Variants in SORL1 observed in about 807,000 individuals in gnomAD.
SORL1 encodes sortilin related receptor 1.
SORL1 carries 127 observed loss-of-function variants against 273.7 expected under a neutral mutation model. The observed-to-expected ratio is 0.46, with a 90% CI of 0.40 to 0.54. The LOEUF (loss-of-function observed/expected upper bound fraction) is 0.54, where lower values mean the gene tolerates loss of function less well. Ranked by LOEUF, SORL1 falls within the 20% of genes least tolerant of loss-of-function variation. The probability of loss-of-function intolerance (pLI) is 0.00; values close to 1 mark genes in which losing one functional copy is unlikely to be tolerated. For missense variants in SORL1, 2,494 were observed against 2,846.1 expected, an observed-to-expected ratio of 0.88 and a Z score of 2.81; for synonymous variants, 1,031 against 1,067.4, an observed-to-expected ratio of 0.97 and a Z score of 0.66.
intron 6 of SORL1, among the ~76,000 whole-genome samples, chr11:121,502,365 T>A (rs2134830416): frequency 6.6e-6 from 1 of 152,134 alleles, no homozygotes; most frequent in African/African-American, 2.4e-5. Flanking sequence ...CTCGATCTCT[T>A]AACCTCGTGA....
intron 32 of SORL1, among the ~76,000 whole-genome samples, chr11:121,601,928 T>C (rs1863399206): frequency 6.6e-6 from 1 of 152,232 alleles, no homozygotes; most frequent in African/African-American, 2.4e-5. Context: ...CAATCCTATA[T>C]AAAATGGCAT....
At chr11:121,580,968 A>G (rs1249596279) in intron 25 of SORL1, among the ~76,000 whole-genome samples, 5 of 144,628 alleles carry the variant, frequency 3.5e-5, no homozygotes, top group Non-Finnish European at 6.0e-5. Flanking sequence ...GCTAGAGTAC[A>G]GTGGTGCGAT....
At chr11:121,463,776 G>A (rs892608867) in intron 1 of SORL1, among the ~76,000 whole-genome samples, 2 of 152,182 alleles carry the variant, frequency 1.3e-5, no homozygotes, top group African/African-American at 2.4e-5. Flanking sequence ...GGGAGTGCTC[G>A]TAAACTAGAT....
At chr11:121,489,882 C>T (rs970791975) in intron 4 of SORL1, among the ~76,000 whole-genome samples, 161 bp from the exon 5 acceptor site, 1 of 152,192 alleles carries the variant, frequency 6.6e-6, no homozygotes, top group Non-Finnish European at 1.5e-5. Context: ...CTTTCTTGCC[C>T]TTGTTTGCTT....
Position 121,550,578 on chromosome 11 carries a change from G to A in SORL1, c.2181-7G>A, listed in dbSNP as rs754223197. 9 of 1,613,948 alleles carry A rather than the reference G, an allele frequency of 5.6e-6. No individual in the cohort carries two copies. The East Asian group carries it at 1.8e-4, about 32-fold the overall frequency. On this transcript the variant is annotated splice_region_variant and splice_polypyrimidine_tract_variant and intron_variant, in intron 15 of 47. Coordinates refer to ENST00000260197, the MANE Select transcript of SORL1 (RefSeq NM_003105.6). This position sits in a 1 kb window ranked among gnomAD's most constrained non-coding sequence, Gnocchi z 5.3. ...TCTGACCTCTTGCTCTTGGGGTGGG[G>A]TGACAGCTACCGGAAGATTTCTGGG... is the stretch of plus-strand genomic sequence containing the variant.
intron 46 of SORL1, among the ~76,000 whole-genome samples, chr11:121,625,565 C>T (rs1863784737): frequency 6.6e-6 from 1 of 152,142 alleles, no homozygotes; most frequent in South Asian, 2.1e-4. Flanking sequence ...ACAAGAGTTT[C>T]ATTTGTTTTT....
At chr11:121,600,899 C>T (rs1036171723) in intron 32 of SORL1, among the ~76,000 whole-genome samples, 1 of 151,370 alleles carries the variant, frequency 6.6e-6, no homozygotes, top group African/African-American at 2.4e-5. Context: ...ATTTAAGGCT[C>T]TTTTTTTTTA....
At chr11:121,497,112 G>C in intron 6 of SORL1, 63 bp downstream of exon 6, 1 of 1,417,318 alleles carries the variant, frequency 7.1e-7, no homozygotes. Flanking sequence ...TTGGCATTCT[G>C]TGATTAAACA....
At chr11:121,523,046 T>G (rs534994652) in intron 11 of SORL1, 57 bp downstream of exon 11, 1 of 1,165,590 alleles carries the variant, frequency 8.6e-7, no homozygotes, top group Admixed American at 1.7e-5. Context: ...TGTGTGAGAA[T>G]GTAGACTGTG....
intron 32 of SORL1, among the ~76,000 whole-genome samples, chr11:121,598,707 G>T (rs191723019): frequency 6.6e-6 from 1 of 152,310 alleles, no homozygotes; most frequent in Admixed American, 6.5e-5. Context: ...TCTAGGCCTT[G>T]ATGTGCTCTG....
intron 40 of SORL1, chr11:121,614,634 A>C: frequency 2.6e-5 from 11 of 415,824 alleles, no homozygotes; most frequent in East Asian, 5.3e-5. Flanking sequence ...ACCAACTCCT[A>C]TCCGCGGATG....
At chr11:121,467,134 A>G (rs1861096278) in intron 1 of SORL1, among the ~76,000 whole-genome samples, 1 of 145,828 alleles carries the variant, frequency 6.9e-6, no homozygotes, top group Admixed American at 7.1e-5. Flanking sequence ...GGTTCACGCC[A>G]TTCTCCTGCC....
rs751648992 is a variant in SORL1 at position 121,488,123 on chromosome 11, C to T, written c.620C>T (p.Ala207Val). The change falls in exon 4 of 48, where the codon GCT (alanine) becomes GTT (valine). Residue 207 changes from alanine to valine, a missense_variant. Physicochemically the swap from Ala to Val is moderately conservative, Grantham distance 64. This residue lies in a region of SORL1 where 710 missense variants were observed against 882.5 expected (regional missense o/e 0.80). Coordinates refer to ENST00000260197, the MANE Select transcript of SORL1 (RefSeq NM_003105.6). Reference sequence around the variant, plus strand: ...GGCTTTTCCATCCCATTTCGGGCAGCTGATCTCCTCCTACACAGTAAGGCC... The same window carrying T: ...GGCTTTTCCATCCCATTTCGGGCAGTTGATCTCCTCCTACACAGTAAGGCC... ...LQGFSIPFRA[A>V]DLLLHSKASN... is the part of the protein sequence containing the mutation. The T allele has an allele frequency of 1.2e-6, 2 of 1,614,186 alleles. No individual in the cohort carries two copies. The highest frequency in any genetic ancestry group is 1.7e-5 in the Admixed American group (1 of 60,022).
Position 121,605,119 on chromosome 11 carries a change from T to C in SORL1, c.4658T>C (p.Leu1553Ser), listed in dbSNP as rs1863449776. The change falls in exon 34 of 48, where the codon TTG (leucine) becomes TCG (serine). Residue 1553 changes from leucine (L) to serine (S), a missense_variant. Physicochemically the swap from Leu to Ser is moderately radical, Grantham distance 145 (BLOSUM62 -2). Around this residue, in one of 3 missense-constraint regions of SORL1, gnomAD observed 1,609 missense variants for 1,816.4 expected, o/e 0.89. Transcript: ENST00000260197. ...TTCTCCTTTATCTCTCTAGATGAGT[T>C]GACTGTGTACAAAGTACAGAATCTT... ...ESDEKACSDE[L>S]TVYKVQNLQW... 1.9e-6 allele frequency: 3 copies of C among 1,610,522 alleles called. No homozygotes were observed. In the South Asian group the frequency reaches 3.3e-5, roughly 18 times the overall value.
intron 1 of SORL1, among the ~76,000 whole-genome samples, chr11:121,454,298 C>T (rs1013248316): frequency 6.6e-6 from 1 of 152,212 alleles, no homozygotes; most frequent in Admixed American, 6.5e-5. Flanking sequence ...TGGTGGGAGA[C>T]AATCCCTCCC....
intron 38 of SORL1, chr11:121,610,858 T>C (rs1863552137): frequency 2.2e-6 from 1 of 456,776 alleles, no homozygotes; most frequent in Non-Finnish European, 3.9e-6. Flanking sequence ...GATAGCCGAC[T>C]GAGCCAAGAT....
intron 23 of SORL1, among the ~76,000 whole-genome samples, chr11:121,573,337 C>T (rs573172324): frequency 4.6e-5 from 7 of 152,282 alleles, no homozygotes; most frequent in Admixed American, 3.3e-4. Context: ...TCTGGCTGGG[C>T]GTGGTGGCTC....
intron 5 of SORL1, among the ~76,000 whole-genome samples, chr11:121,490,684 T>C (rs997668524): frequency 7.0e-6 from 1 of 142,856 alleles, no homozygotes; most frequent in Admixed American, 7.6e-5. Context: ...GAGGTTGCAG[T>C]GAGCCGAGAT....
intron 11 of SORL1, among the ~76,000 whole-genome samples, chr11:121,531,494 A>G (rs550828074): frequency 6.6e-6 from 1 of 152,310 alleles, no homozygotes; most frequent in South Asian, 2.1e-4. Context: ...TCTTATGGAT[A>G]TGTTTGTATG....
Sources: allele counts gnomAD v4.1 joint callset (sites outside exome capture counted in the v4.1 genomes callset), GRCh38; gene constraint gnomAD v4.1.1; regional missense constraint gnomAD v4.1.1; non-coding constraint Gnocchi (gnomAD v3.1); transcripts MANE v1.5; gene names NCBI Gene and HGNC (gene_info 2026-07-23, HGNC 2026-07-21).